The following MTRR variants were observed in gnomAD, a reference collection of about 807,000 sequenced individuals.
MTRR encodes the protein 5-methyltetrahydrofolate-homocysteine methyltransferase reductase, also known as methionine synthase reductase.
MTRR carries 63 observed loss-of-function variants against 79.2 expected under a neutral mutation model. That is an observed-to-expected ratio of 0.80 (90% CI 0.65 to 0.98). The LOEUF (loss-of-function observed/expected upper bound fraction) is 0.98, where lower values mean the gene tolerates loss of function less well. Among genes scored for constraint, MTRR ranks in the 50% least tolerant of loss-of-function variants. The pLI is 0.00. For missense variants in MTRR, 895 were observed against 839.6 expected (o/e 1.07, Z -0.82); for synonymous variants, 355 against 313.3 (o/e 1.13, Z -1.41).
chr5:7,897,031 A>G lies in MTRR; in HGVS notation c.1770-34A>G, dbSNP rs768326252. On this transcript the variant is annotated intron_variant, in intron 13 of 14. Coordinates refer to ENST00000440940, the MANE Select transcript of MTRR (RefSeq NM_002454.3). ...ATTCTCAGACTTTTTCAGCTTGACA[A>G]CCTTTTAGTGATCCATTATATATTA... 5.0e-6 allele frequency: 8 copies of G among 1,612,992 alleles called. No homozygotes were observed. In the East Asian group the frequency reaches 8.9e-5, roughly 18 times the overall value.
upstream of MTRR, chr5:7,866,570 C>T (rs2126612029): frequency 9.0e-7 from 1 of 1,114,682 alleles, no homozygotes; most frequent in East Asian, 2.4e-5. Flanking sequence ...AACATATTGC[C>T]TTTATATGTG....
chr5:7,878,195 A>G lies in MTRR; in HGVS notation c.653A>G (p.Asn218Ser), dbSNP rs541734980. 2.5e-6 allele frequency: 4 copies of G among 1,614,200 alleles called. No homozygotes were observed. The highest frequency in any genetic ancestry group is 3.3e-5 in the Admixed American group (2 of 60,018). The change falls in exon 5 of 15, where the codon AAT becomes AGT. Residue 218 changes from asparagine (N) to serine (S), a missense_variant. By Grantham distance (46) the Asn-to-Ser change is conservative (BLOSUM62 1). Transcript: ENST00000440940. ...KQNAVNSNQS[N>S]VVIEDFESSL... Reference sequence around the variant, plus strand: ...AATGCAGTGAACAGCAACCAATCCAATGTTGTAATTGAAGACTTTGAGTCC... The same window carrying G: ...AATGCAGTGAACAGCAACCAATCCAGTGTTGTAATTGAAGACTTTGAGTCC...
chr5:7,892,624 A>C, intron 10 of MTRR, 103 bp from the exon 11 acceptor site: 3 of 1,261,000 alleles, frequency 2.4e-6, no homozygotes, highest in Non-Finnish European at 3.5e-6. Context: ...GGTAGATTAG[A>C]GCCTATAAGG....
chr5:7,871,751 T>G (rs1003555555), intron 2 of MTRR, among the ~76,000 whole-genome samples: 3 of 152,156 alleles, frequency 2.0e-5, no homozygotes, highest in African/African-American at 7.2e-5. Flanking sequence ...CCTAGTTCCT[T>G]TATGCAGCCC....
chr5:7,880,429 A>C (rs1735395138), intron 5 of MTRR, among the ~76,000 whole-genome samples: 3 of 152,196 alleles, frequency 2.0e-5, no homozygotes, highest in Admixed American at 2.0e-4. Context: ...ATGCTAGTCT[A>C]CTTTGTTAAG....
chr5:7,891,555 G>A (rs1737583233), intron 10 of MTRR, 141 bp downstream of exon 10: 3 of 698,764 alleles, frequency 4.3e-6, no homozygotes, highest in Non-Finnish European at 7.5e-6. Context: ...TAATAAAGCA[G>A]AAGAAGAATC....
intron 5 of MTRR, among the ~76,000 whole-genome samples, chr5:7,878,696 A>G (rs921562716): frequency 6.6e-6 from 1 of 152,280 alleles, no homozygotes; most frequent in Non-Finnish European, 1.5e-5. Flanking sequence ...TGGAGAACTA[A>G]CAACTTGGTT....
chr5:7,897,787 T>C (rs1579833032), intron 14 of MTRR, among the ~76,000 whole-genome samples: 1 of 152,348 alleles, frequency 6.6e-6, no homozygotes, highest in South Asian at 2.1e-4. Context: ...GAAAAATTGT[T>C]TAACGCTTAT....
chr5:7,875,527 C>G, intron 4 of MTRR, 152 bp downstream of exon 4: 1 of 768,760 alleles, frequency 1.3e-6, no homozygotes, highest in Non-Finnish European at 2.3e-6. Context: ...AGAGGGTCAG[C>G]CAGAGATTGA....
rs57989551 is a variant in MTRR at position 7,896,138 on chromosome 5, G to A, written c.1676+286G>A. Reference sequence around the variant, plus strand: ...GGGGACAAATATTGGGCATACCTTCGTACTGTGATGATATACAGCTGTTGT... The same window carrying A: ...GGGGACAAATATTGGGCATACCTTCATACTGTGATGATATACAGCTGTTGT... On this transcript the variant is annotated intron_variant, in intron 12 of 14. Transcript: ENST00000440940. 0.22 allele frequency among the ~76,000 whole-genome samples: 33,325 copies of A among 152,052 alleles called. 4,401 individuals are homozygous for A. Among genetic ancestry groups the A allele is most frequent in the Non-Finnish European group, 0.29 (19,806 of 67,978 alleles).
chr5:7,899,780 C>T, intron 14 of MTRR, 134 bp from the exon 15 acceptor site: 1 of 1,194,160 alleles, frequency 8.4e-7, no homozygotes, highest in Non-Finnish European at 1.2e-6. Context: ...GCTGGGAGAT[C>T]TGTGTGAGAT....
At chr5:7,880,812 C>T (rs1346214483) in intron 5 of MTRR, among the ~76,000 whole-genome samples, 1 of 152,158 alleles carries the variant, frequency 6.6e-6, no homozygotes, top group African/African-American at 2.4e-5. Flanking sequence ...CCGCCTGGCC[C>T]CCATGTGCCT....
intron 4 of MTRR, among the ~76,000 whole-genome samples, chr5:7,877,646 C>T (rs1734802316): frequency 6.6e-6 from 1 of 150,886 alleles, no homozygotes; most frequent in Admixed American, 6.6e-5. Context: ...TTTACCAATT[C>T]TGGAATATTA....
chr5:7,862,530 C>T (rs188319692), intron 2 of MTRR, among the ~76,000 whole-genome samples: 1 of 152,002 alleles, frequency 6.6e-6, no homozygotes, highest in Non-Finnish European at 1.5e-5. Flanking sequence ...TTTATTTAGA[C>T]CTTAAGTAAG....
intron 4 of MTRR, among the ~76,000 whole-genome samples, chr5:7,876,455 C>T (rs1734578283): frequency 6.6e-6 from 1 of 152,236 alleles, no homozygotes; most frequent in African/African-American, 2.4e-5. Flanking sequence ...CACTTCTCTT[C>T]AAAGGCTTTC....
chr5:7,885,363 G>T, intron 6 of MTRR: 1 of 245,730 alleles, frequency 4.1e-6, no homozygotes, highest in Non-Finnish European at 7.9e-6. Context: ...TTGTAAGAGG[G>T]ATTTTTATAT....
chr5:7,868,986 T>G, upstream of MTRR: 1 of 908,028 alleles, frequency 1.1e-6, no homozygotes, highest in Non-Finnish European at 1.8e-6. Flanking sequence ...TACCGCGCTC[T>G]GCCGGGCAAT....
Position 7,889,148 on chromosome 5 carries a change from G to T in MTRR, c.1200G>T (p.Arg400Ser). The T allele has an allele frequency of 6.2e-7, 1 of 1,614,130 alleles. No individual in the cohort carries two copies. The highest frequency in any genetic ancestry group is 8.5e-7 in the Non-Finnish European group (1 of 1,180,028). Residue 400 changes from arginine to serine, a missense_variant, in exon 9 of 15, where the codon AGG becomes AGT. Transcript: ENST00000440940. ...CCAGTGACAGTGCTGAAAAGCGCAG[G>T]CTACAGGAGCTGTGCAGTAAACAAG... ...DYTSDSAEKRRLQELCSKQGA... is the reference protein window; with the variant it reads ...DYTSDSAEKRSLQELCSKQGA...
At chr5:7,863,837 T>G (rs947371568) in intron 2 of MTRR, among the ~76,000 whole-genome samples, 6 of 151,492 alleles carry the variant, frequency 4.0e-5, no homozygotes, top group Non-Finnish European at 4.4e-5. Flanking sequence ...CTTTTTTACC[T>G]TTTTTTTTGT....
Sources: allele counts gnomAD v4.1 joint callset (sites outside exome capture counted in the v4.1 genomes callset), GRCh38; gene constraint gnomAD v4.1.1; transcripts MANE v1.5; gene names NCBI Gene and HGNC (gene_info 2026-07-23, HGNC 2026-07-21).